UGT1A4: variants seen among roughly 807,000 people sequenced by gnomAD.
UGT1A4 encodes the protein UDP glucuronosyltransferase family 1 member A4.
A neutral mutation model predicts 41.1 loss-of-function variants in UGT1A4; 32 were observed. The ratio of observed to expected loss-of-function variants is 0.78; its 90% CI spans 0.59 to 1.05. UGT1A4 has a LOEUF of 1.05. UGT1A4 is among the 50% of genes least tolerant of loss of function. The pLI is 0.00. For synonymous variants in UGT1A4, 283 were observed against 265.1 expected (o/e 1.07, Z -0.66); for missense variants, 748 against 677.4 (o/e 1.10, Z -1.16).
At chr2:233,754,136 G>T (rs1695403547) in intron 1 of UGT1A4, among the ~76,000 whole-genome samples, 1 of 152,154 alleles carries the variant, frequency 6.6e-6, no homozygotes. Flanking sequence ...GCAATTAAAA[G>T]CCATCATTAA....
At chr2:233,743,056 A>G (rs955838724) in intron 1 of UGT1A4, 3 of 325,656 alleles carry the variant, frequency 9.2e-6, no homozygotes, top group African/African-American at 6.5e-5. Context: ...AGTCCCAACG[A>G]TAAGAACAGG....
intron 1 of UGT1A4, chr2:233,760,443 G>C (rs773136953): frequency 6.2e-7 from 1 of 1,614,250 alleles, no homozygotes; most frequent in South Asian, 1.1e-5. Flanking sequence ...AGCTGCAGCA[G>C]AGGGGACATG....
chr2:233,763,174 C>A (rs528142938), intron 1 of UGT1A4, among the ~76,000 whole-genome samples: 1 of 152,302 alleles, frequency 6.6e-6, no homozygotes, highest in East Asian at 1.9e-4. Context: ...GTGTTGACTA[C>A]ATATTTGTTG....
At position 233,754,818 on chromosome 2, in the gene UGT1A4, T is replaced by C. The variant is rs536023413; in HGVS notation, c.868-12216T>C. The stretch of plus-strand genomic sequence containing the variant: ...TGTATCAAAAGAAGAAAAACCACCC[T>C]CAAAAGCTGGAAATTCACTGAAGGC... On this transcript the variant is annotated intron_variant, in intron 1 of 4. Transcript: ENST00000373409. 419 of 1,332,122 alleles carry C rather than the reference T, an allele frequency of 3.1e-4. 1 individual carries two copies. The highest frequency in any genetic ancestry group is 3.7e-4 in the Non-Finnish European group (370 of 994,872). The allele number at this position is 1,332,122 out of a possible 1,614,324, so 82.5% of individuals were successfully genotyped here.
rs1361976171 is a variant in UGT1A4, at chr2:233,732,838, C to T, written c.867+13151C>T. ...ATATGAACTTTAAAGTAGTTTTTTC[C>T]AATTTTGTGAAGTCATTGGTAGCTT... On this transcript the variant is annotated intron_variant, in intron 1 of 4. Transcript: ENST00000373409. Among the ~76,000 whole-genome samples, 5 of 149,882 alleles carry T rather than the reference C, an allele frequency of 3.3e-5. No homozygotes were observed. The East Asian group carries it at 7.8e-4, about 23-fold the overall frequency.
chr2:233,734,202 G>T (rs1345683418), intron 1 of UGT1A4, among the ~76,000 whole-genome samples: 1 of 152,060 alleles, frequency 6.6e-6, no homozygotes, highest in Non-Finnish European at 1.5e-5. Context: ...CAATTTCAGA[G>T]CCTGTTGTTG....
chr2:233,749,281 T>G (rs1294493695), intron 1 of UGT1A4, among the ~76,000 whole-genome samples: 1 of 151,972 alleles, frequency 6.6e-6, no homozygotes, highest in African/African-American at 2.4e-5. Context: ...CCTTATGCAG[T>G]GTAGTTATTC....
intron 1 of UGT1A4, chr2:233,752,367 A>G (rs1694954220): frequency 1.3e-5 from 2 of 152,220 alleles, no homozygotes; most frequent in Admixed American, 1.3e-4. Context: ...AGGGGTCTCA[A>G]GAGGGTCATC....
chr2:233,746,374 T>C (rs1378448222), intron 1 of UGT1A4, among the ~76,000 whole-genome samples: 2 of 151,774 alleles, frequency 1.3e-5, no homozygotes, highest in African/African-American at 4.9e-5. Flanking sequence ...AGTCCCTTCA[T>C]TCTGATTTGA....
At chr2:233,761,234 G>A in intron 1 of UGT1A4, 1 of 1,612,826 alleles carries the variant, frequency 6.2e-7, no homozygotes, top group Non-Finnish European at 8.5e-7. Flanking sequence ...CCAGATATAT[G>A]CTGAGCAAGC....
At chr2:233,752,930 C>G (rs1695091959) in intron 1 of UGT1A4, among the ~76,000 whole-genome samples, 1 of 152,236 alleles carries the variant, frequency 6.6e-6, no homozygotes, top group South Asian at 2.1e-4. Context: ...TGGTATGCCA[C>G]TCTTTGCTGA....
chr2:233,772,756 T>A lies in UGT1A4; in HGVS notation c.*197T>A. On this transcript the variant is annotated 3_prime_UTR_variant, in exon 5 of 5. Transcript: ENST00000373409. The stretch of plus-strand genomic sequence containing the variant: ...TAGTCAGTAAAGATATTTGAATATG[T>A]ATCGTGCCCCCTCTGGTGTCTTTGA... The A allele has an allele frequency of 1.4e-6, 2 of 1,401,856 alleles. No homozygotes were observed. Among genetic ancestry groups the A allele is most frequent in the Non-Finnish European group, 1.9e-6 (2 of 1,069,170 alleles). 86.8% of individuals were successfully genotyped at this position (1,401,856 alleles called of 1,614,324 possible). A position where few individuals can be genotyped will look rare whatever the true frequency, so the allele number is the denominator to read the frequency against.
At chr2:233,729,583 C>T (rs1274615489) in intron 1 of UGT1A4, 17 of 1,613,918 alleles carry the variant, frequency 1.1e-5, no homozygotes, top group Non-Finnish European at 1.4e-5. Flanking sequence ...TTTAACAGAC[C>T]CCGTTAACCT....
At chr2:233,763,481 G>T (rs1698320129) in intron 1 of UGT1A4, among the ~76,000 whole-genome samples, 1 of 152,170 alleles carries the variant, frequency 6.6e-6, no homozygotes, top group Non-Finnish European at 1.5e-5. Context: ...AGATTTGATT[G>T]TAACTCTCTC....
intron 1 of UGT1A4, among the ~76,000 whole-genome samples, chr2:233,720,004 A>G (rs1304715933): frequency 2.6e-5 from 4 of 152,144 alleles, no homozygotes; most frequent in African/African-American, 9.7e-5. Flanking sequence ...TACATTCAGA[A>G]CTGATCCATC....
intron 1 of UGT1A4, chr2:233,743,484 G>A (rs773869804): frequency 7.3e-7 from 1 of 1,367,080 alleles, no homozygotes; most frequent in Non-Finnish European, 9.8e-7. Flanking sequence ...GAAATTCACT[G>A]AAGGCAGAGA....
intron 1 of UGT1A4, among the ~76,000 whole-genome samples, chr2:233,741,230 C>T (rs1691594926): frequency 6.6e-6 from 1 of 151,876 alleles, no homozygotes; most frequent in Non-Finnish European, 1.5e-5. Flanking sequence ...AGACCCACTA[C>T]CTCTGAGTGA....
chr2:233,721,923 T>G, intron 1 of UGT1A4: 3 of 399,842 alleles, frequency 7.5e-6, no homozygotes, highest in South Asian at 5.8e-5. Flanking sequence ...TTCCATAAAG[T>G]GACATCCTTC....
At chr2:233,750,521 T>C (rs528794181) in intron 1 of UGT1A4, 1 of 151,984 alleles carries the variant, frequency 6.6e-6, no homozygotes, top group East Asian at 1.9e-4. Context: ...GCCAAGACAA[T>C]GGGGAAAATG....
Sources: allele counts gnomAD v4.1 joint callset (sites outside exome capture counted in the v4.1 genomes callset), GRCh38; gene constraint gnomAD v4.1.1; transcripts MANE v1.5; gene names NCBI Gene and HGNC (gene_info 2026-07-23, HGNC 2026-07-21).